Variants in KCNQ5 observed in about 807,000 individuals in gnomAD.
KCNQ5 encodes the protein potassium voltage-gated channel subfamily KQT member 5.
In KCNQ5, 30 loss-of-function variants were observed where a neutral mutation model predicts 98.2. The observed-to-expected ratio is 0.31, with a 90% CI of 0.23 to 0.41. The LOEUF is 0.41. Among genes scored for constraint, KCNQ5 ranks in the 10% least tolerant of loss-of-function variants. The probability of loss-of-function intolerance (pLI) is 1.00; values close to 1 mark genes in which losing one functional copy is unlikely to be tolerated. For synonymous variants in KCNQ5, 458 were observed against 449.4 expected, an observed-to-expected ratio of 1.02 and a Z score of -0.24; for missense variants, 835 against 1,182.5, an observed-to-expected ratio of 0.71 and a Z score of 4.31.
chr6:72,964,286 AC>A (rs1469515213), intron 1 of KCNQ5, among the ~76,000 whole-genome samples: 2 of 152,144 alleles, frequency 1.3e-5, no homozygotes, highest in African/African-American at 4.8e-5. Flanking sequence ...CCTCTGGATG[AC>A]CCTTGCAATT....
intron 1 of KCNQ5, among the ~76,000 whole-genome samples, chr6:72,778,973 T>C (rs914014458): frequency 6.6e-6 from 1 of 152,238 alleles, no homozygotes; most frequent in African/African-American, 2.4e-5. Flanking sequence ...AGTGAAGTGA[T>C]TTCACTGTAG....
At chr6:73,076,107 C>A (rs76839922) in intron 3 of KCNQ5, among the ~76,000 whole-genome samples, 4 of 152,112 alleles carry the variant, frequency 2.6e-5, no homozygotes, top group African/African-American at 9.7e-5. Context: ...CTGACCCCCC[C>A]TCTCTCTCAA....
chr6:73,074,988 T>C (rs887121015), intron 3 of KCNQ5, among the ~76,000 whole-genome samples: 1 of 152,226 alleles, frequency 6.6e-6, no homozygotes, highest in Non-Finnish European at 1.5e-5. Context: ...AAGTAATGTC[T>C]GTTTGTAAAC....
chr6:72,693,529 T>C (rs570796608), intron 1 of KCNQ5, among the ~76,000 whole-genome samples: 1 of 152,072 alleles, frequency 6.6e-6, no homozygotes, highest in Non-Finnish European at 1.5e-5. Flanking sequence ...GGAGTAAAAG[T>C]TTTTCTCTGG....
At chr6:72,843,001 T>C (rs1776864716) in intron 1 of KCNQ5, among the ~76,000 whole-genome samples, 1 of 152,230 alleles carries the variant, frequency 6.6e-6, no homozygotes, top group South Asian at 2.1e-4. Context: ...ATCCCATTTG[T>C]CAATATTGGC....
In KCNQ5 at chr6:72,723,735, C is replaced by G. The variant is rs369366728; in HGVS notation, c.398+101148C>G. 2.6e-4 allele frequency among the ~76,000 whole-genome samples: 40 copies of G among 151,640 alleles called. 1 individual carries two copies. The East Asian group carries it at 4.1e-3, about 15-fold the overall frequency. ...CTTTAAAATCCATTGGATTTTGGAG[C>G]AATTTTTCAAAATTTTTCAAATTTT... On this transcript the variant is annotated intron_variant, in intron 1 of 13. Coordinates refer to ENST00000370398, the MANE Select transcript of KCNQ5 (RefSeq NM_019842.4).
intron 5 of KCNQ5, among the ~76,000 whole-genome samples, chr6:73,079,787 T>C (rs7756518): frequency 0.14 from 20,697 of 152,248 alleles, 2,686 homozygotes; most frequent in African/African-American, 0.35. Context: ...ACTTTTTATA[T>C]GTAGAGAGCA....
intron 1 of KCNQ5, among the ~76,000 whole-genome samples, chr6:72,839,170 A>G (rs1490641329): frequency 4.6e-5 from 5 of 107,800 alleles, no homozygotes; most frequent in Admixed American, 4.0e-4. Context: ...TTGACTAACA[A>G]CCATACAGTT....
intron 1 of KCNQ5, among the ~76,000 whole-genome samples, chr6:72,773,337 T>C (rs936232238): frequency 1.3e-5 from 2 of 152,124 alleles, no homozygotes; most frequent in Non-Finnish European, 2.9e-5. Context: ...TGCAGGGACA[T>C]GGATGAAGCT....
At chr6:72,756,629 A>T (rs1771985047) in intron 1 of KCNQ5, among the ~76,000 whole-genome samples, 1 of 152,180 alleles carries the variant, frequency 6.6e-6, no homozygotes, top group Non-Finnish European at 1.5e-5. Flanking sequence ...AAGCAGCAAC[A>T]GAAAAAGCTG....
In KCNQ5 at chr6:73,025,642, AAAAAAAAAAAAAAAAAAT is replaced by A. The variant is rs960192303; in HGVS notation, c.490-16293_490-16276del. On this transcript the variant is annotated intron_variant, in intron 2 of 13. Coordinates refer to ENST00000370398, the MANE Select transcript of KCNQ5 (RefSeq NM_019842.4). ...CCATCTCAAAAAAAAAAAAAAAAAA[AAAAAAAAAAAAAAAAAAT>A]TCAAGTGTTCCGAATTCCCATTTAA... 9.3e-5 allele frequency among the ~76,000 whole-genome samples: 12 copies of A among 128,350 alleles called. 2 individuals are homozygous for A. Among genetic ancestry groups the A allele is most frequent in the Non-Finnish European group, 7.7e-5 (5 of 65,244 alleles). 84.2% of individuals were successfully genotyped at this position (128,350 alleles called of 152,430 possible).
intron 11 of KCNQ5, among the ~76,000 whole-genome samples, chr6:73,186,477 A>G (rs1414930671): frequency 6.6e-6 from 1 of 152,270 alleles, no homozygotes; most frequent in East Asian, 1.9e-4. Flanking sequence ...CCAGCTCTTC[A>G]GAAGGAAATC....
chr6:72,751,542 C>A (rs1771685524), intron 1 of KCNQ5, among the ~76,000 whole-genome samples: 1 of 151,962 alleles, frequency 6.6e-6, no homozygotes, highest in Admixed American at 6.6e-5. Context: ...TACTTTGAAC[C>A]ACTTGAAACT....
At chr6:72,897,553 C>CA (rs1175600315) in intron 1 of KCNQ5, among the ~76,000 whole-genome samples, 3 of 151,618 alleles carry the variant, frequency 2.0e-5, no homozygotes, top group East Asian at 1.9e-4. Context: ...AGAAGACAAG[C>CA]AAAAAAATGA....
intron 8 of KCNQ5, among the ~76,000 whole-genome samples, chr6:73,121,144 G>A (rs538260504): frequency 6.6e-6 from 1 of 152,202 alleles, no homozygotes; most frequent in East Asian, 1.9e-4. Context: ...ATTAAAATTT[G>A]GAATTTGCAT....
intron 5 of KCNQ5, among the ~76,000 whole-genome samples, chr6:73,085,624 A>G (rs1327551766): frequency 6.6e-6 from 1 of 151,836 alleles, no homozygotes; most frequent in Non-Finnish European, 1.5e-5. Context: ...TCACCCCCAG[A>G]GGAACTCCAG....
At chr6:72,941,300 TCTTCCTTCCTTCCTTCCTTCTTTC>T (rs1562081956) in intron 1 of KCNQ5, among the ~76,000 whole-genome samples, 2 of 147,266 alleles carry the variant, frequency 1.4e-5, no homozygotes, top group African/African-American at 2.5e-5. Context: ...GCCCTGCTCA[TCTTCCTTCCTTCCTTCCTTCTTTC>T]CTTCCTTCCT....
chr6:73,198,720 G>A lies in KCNQ5; in HGVS notation c.*3306G>A, dbSNP rs1017170252. On this transcript the variant is annotated 3_prime_UTR_variant, in exon 14 of 14. Transcript: ENST00000370398. Reference sequence around the variant, plus strand: ...CTAAGTCATGTATGACAATGCAATTGTCTGTTTCCTGAAAACAAATAAATC... The same window carrying A: ...CTAAGTCATGTATGACAATGCAATTATCTGTTTCCTGAAAACAAATAAATC... The A allele has an allele frequency of 1.3e-5, 2 of 152,194 alleles. No individual in the cohort carries two copies. The highest frequency in any genetic ancestry group is 2.4e-5 in the African/African-American group (1 of 41,454). The allele number at this position is 152,194 out of a possible 1,614,324, so 9.4% of individuals were successfully genotyped here.
chr6:72,936,113 CACTTACTTGTCTG>C (rs142386976), intron 1 of KCNQ5, among the ~76,000 whole-genome samples: 4,455 of 152,254 alleles, frequency 0.029, 184 homozygotes, highest in African/African-American at 0.086. Flanking sequence ...CTGACATTTC[CACTTACTTGTCTG>C]AGAGTCTTCT....
Sources: gnomAD v4.1 joint callset for allele counts (sites outside exome capture counted in the v4.1 genomes callset) on GRCh38, gnomAD v4.1.1 for gene constraint, MANE v1.5 for transcripts, NCBI Gene and HGNC (gene_info 2026-07-23, HGNC 2026-07-21) for gene names.